Variants in SPINK8 observed in about 807,000 individuals in gnomAD.
The protein encoded by SPINK8 is serine peptidase inhibitor Kazal type 8 (putative), also known as serine protease inhibitor Kazal-type 8.
In SPINK8, 12 loss-of-function variants were observed where a neutral mutation model predicts 14.4. That is an observed-to-expected ratio of 0.83 (90% CI 0.53 to 1.35). The LOEUF is 1.35. SPINK8 is among the 40% of genes most tolerant of loss of function. The pLI is 0.00. For missense variants in SPINK8, 103 were observed against 117.0 expected, an observed-to-expected ratio of 0.88 and a Z score of 0.55; for synonymous variants, 32 against 37.6, an observed-to-expected ratio of 0.85 and a Z score of 0.55.
At chr3:48,313,076 T>G (rs1351241858) in intron 6 of SPINK8, among the ~76,000 whole-genome samples, 1 of 151,890 alleles carries the variant, frequency 6.6e-6, no homozygotes, top group Non-Finnish European at 1.5e-5. Flanking sequence ...TGCCTTTGGA[T>G]TTTACAGTGG....
intron 1 of SPINK8, among the ~76,000 whole-genome samples, chr3:48,333,111 T>C (rs1431231378): frequency 6.6e-6 from 1 of 152,170 alleles, no homozygotes; most frequent in Non-Finnish European, 1.5e-5. Context: ...ATCACACTTT[T>C]AACATAATTG....
chr3:48,333,058 C>T (rs550633509), intron 1 of SPINK8, among the ~76,000 whole-genome samples: 7 of 150,706 alleles, frequency 4.6e-5, no homozygotes, highest in South Asian at 4.2e-4. Context: ...GGGGGAACGC[C>T]GGGGCAGGGG....
chr3:48,320,680 G>A (rs1202330866), intron 5 of SPINK8, among the ~76,000 whole-genome samples: 1 of 152,198 alleles, frequency 6.6e-6, no homozygotes, highest in Non-Finnish European at 1.5e-5. Context: ...CTTGGTGTGA[G>A]GGAGGCAGGG....
intron 7 of SPINK8, among the ~76,000 whole-genome samples, chr3:48,309,056 G>A (rs188454326): frequency 3.9e-4 from 59 of 152,302 alleles, no homozygotes; most frequent in South Asian, 2.5e-3. Context: ...GTAATTGACC[G>A]TCCCTAAGTG....
At chr3:48,319,734 AAAGGATTCAG>A in intron 5 of SPINK8, 116 bp from the exon 6 acceptor site, 1 of 1,433,876 alleles carries the variant, frequency 7.0e-7, no homozygotes, top group Admixed American at 2.4e-5. Context: ...AGTTCAGAGA[AAAGGATTCAG>A]AAGCCTCAGT....
At chr3:48,310,959 C>A (rs921448400) in intron 6 of SPINK8, among the ~76,000 whole-genome samples, 4 of 152,136 alleles carry the variant, frequency 2.6e-5, no homozygotes, top group Non-Finnish European at 5.9e-5. Flanking sequence ...GACCAATATC[C>A]CTTGTGAATA....
chr3:48,319,575 TA>T lies in SPINK8; in HGVS notation c.160del (p.Tyr54ThrfsTer33), dbSNP rs1443409336. ...ACAAATAGGTTCACTGGGCTTGATGTAGGATAAAAACCAGCACTTATTTACA... is the reference window on the plus strand; with the variant it reads ...ACAAATAGGTTCACTGGGCTTGATGTGGATAAAAACCAGCACTTATTTACA... ...KNVNKCWFLS[Y>X]IKPSEPICGS... On this transcript the variant is annotated frameshift_variant, in exon 6 of 8. Transcript: ENST00000434006. LOFTEE classifies it high-confidence loss of function. 6.2e-7 allele frequency: 1 copy of T among 1,613,880 alleles called. No individual in the cohort carries two copies. The highest frequency in any genetic ancestry group is 1.7e-5 in the Admixed American group (1 of 59,998).
chr3:48,317,306 T>C, intron 6 of SPINK8, among the ~76,000 whole-genome samples: 1 of 152,024 alleles, frequency 6.6e-6, no homozygotes, highest in East Asian at 1.9e-4. Context: ...CTGGCCAACA[T>C]GGTGAAACCC....
intron 4 of SPINK8, 89 bp downstream of exon 4, chr3:48,328,186 T>C: frequency 2.9e-6 from 3 of 1,028,638 alleles, no homozygotes; most frequent in Non-Finnish European, 4.3e-6. Context: ...TAAATAAAAC[T>C]GAACAGCACT....
chr3:48,309,550 A>C (rs1303376081), intron 7 of SPINK8, among the ~76,000 whole-genome samples: 1 of 152,244 alleles, frequency 6.6e-6, no homozygotes, highest in Non-Finnish European at 1.5e-5. Flanking sequence ...ATGTATTAGA[A>C]GATGACAATG....
chr3:48,314,460 C>T (rs2035960510), intron 6 of SPINK8, among the ~76,000 whole-genome samples: 1 of 152,148 alleles, frequency 6.6e-6, no homozygotes, highest in African/African-American at 2.4e-5. Flanking sequence ...CTGCAGCATT[C>T]CCAGTTCCAT....
intron 7 of SPINK8, among the ~76,000 whole-genome samples, chr3:48,308,952 G>T (rs181688201): frequency 3.3e-5 from 5 of 152,330 alleles, no homozygotes; most frequent in African/African-American, 1.2e-4. Context: ...GACAGAAGTA[G>T]AAATTATGTG....
At chr3:48,321,129 G>C in intron 4 of SPINK8, 55 bp from the exon 5 acceptor site, 7 of 1,523,670 alleles carry the variant, frequency 4.6e-6, no homozygotes, top group Non-Finnish European at 6.2e-6. Flanking sequence ...TGCCCTCAGC[G>C]AAAAAGGTAA....
At chr3:48,314,766 T>C (rs1168387594) in intron 6 of SPINK8, among the ~76,000 whole-genome samples, 1 of 152,120 alleles carries the variant, frequency 6.6e-6, no homozygotes, top group Admixed American at 6.5e-5. Flanking sequence ...TGAAAAACAA[T>C]AGGTTAACCA....
At chr3:48,315,720 C>CAAAAAAAAAAAAAAAA (rs66504818) in intron 6 of SPINK8, among the ~76,000 whole-genome samples, 17 of 21,914 alleles carry the variant, frequency 7.8e-4, no homozygotes, top group East Asian at 2.4e-3. Flanking sequence ...GACTCCATCT[C>CAAAAAAAAAAAAAAAA]AAAAAAAAAA....
chr3:48,308,122 C>T (rs1400701016), intron 7 of SPINK8, among the ~76,000 whole-genome samples: 14 of 151,608 alleles, frequency 9.2e-5, no homozygotes, highest in African/African-American at 1.7e-4. Context: ...TACAGGCGCC[C>T]GCCACCAAGA....
intron 2 of SPINK8, among the ~76,000 whole-genome samples, chr3:48,331,745 A>G (rs1288270951): frequency 6.6e-6 from 1 of 152,240 alleles, no homozygotes. Context: ...CCTAGTCACA[A>G]CTTAGTGTCT....
chr3:48,331,355 G>A (rs1303492331), intron 2 of SPINK8, among the ~76,000 whole-genome samples: 1 of 152,112 alleles, frequency 6.6e-6, no homozygotes, highest in Non-Finnish European at 1.5e-5. Flanking sequence ...TCTAATGGAG[G>A]GTCCTGCCTT....
chr3:48,331,395 C>T (rs2036258518), intron 2 of SPINK8, among the ~76,000 whole-genome samples: 2 of 152,084 alleles, frequency 1.3e-5, no homozygotes, highest in South Asian at 2.1e-4. Flanking sequence ...ATCTGCTTGG[C>T]GGTTCCCTTT....
Sources: gnomAD v4.1 joint callset for allele counts (sites outside exome capture counted in the v4.1 genomes callset) on GRCh38, gnomAD v4.1.1 for gene constraint, MANE v1.5 for transcripts, NCBI Gene and HGNC (gene_info 2026-07-23, HGNC 2026-07-21) for gene names.